Variants in CD163 observed in about 807,000 individuals in gnomAD.
CD163 encodes CD163 molecule.
CD163 carries 64 observed loss-of-function variants against 129.2 expected under a neutral mutation model. That is an observed-to-expected ratio of 0.50 (90% confidence interval 0.41 to 0.61). CD163 has a LOEUF of 0.61. CD163 is among the 20% of genes least tolerant of loss of function. The pLI is 0.00. For synonymous variants in CD163, 446 were observed against 478.5 expected, an observed-to-expected ratio of 0.93 and a Z score of 0.89; for missense variants, 1,061 against 1,377.9, an observed-to-expected ratio of 0.77 and a Z score of 3.64.
chr12:7,494,985 G>T, intron 6 of CD163, 96 bp downstream of exon 6: 1 of 897,152 alleles, frequency 1.1e-6, no homozygotes, highest in Non-Finnish European at 1.8e-6. Context: ...TTTCTTGAGA[G>T]TGATCTAGTC....
intron 3 of CD163, among the ~76,000 whole-genome samples, chr12:7,500,015 T>G (rs1202982167): frequency 6.6e-6 from 1 of 152,214 alleles, no homozygotes; most frequent in Non-Finnish European, 1.5e-5. Context: ...TTTTTCTAGA[T>G]GCTACTGTGT....
At position 7,486,576 on chromosome 12, in the gene CD163, C is replaced by T. The variant is rs762219071; in HGVS notation, c.2381G>A (p.Arg794His). 34 of 1,614,218 alleles carry T rather than the reference C, an allele frequency of 2.1e-5. No individual in the cohort carries two copies. Among genetic ancestry groups the T allele is most frequent in the Admixed American group, 1.2e-4 (7 of 60,024 alleles). ...DEMKCNGKES[R>H]IWQCHSHGWG... is the part of the protein sequence containing the mutation. ...GCCGTGTGAATGGCACTGCCAAATG[C>T]GGGATTCTTTTCCATTGCATTTCAT... The change falls in exon 10 of 17, where the codon CGC becomes CAC. Residue 794 changes from arginine to histidine, a missense_variant. Physicochemically the swap from Arg to His is conservative, Grantham distance 29. Coordinates refer to ENST00000432237, the MANE Select transcript of CD163 (RefSeq NM_203416.4).
At chr12:7,483,842 T>TATATATATATATATATATATATATATATA (rs71067190) in intron 11 of CD163, 167 bp from the exon 12 acceptor site, 1 of 61,890 alleles carries the variant, frequency 1.6e-5, no homozygotes, top group African/African-American at 6.2e-5. Flanking sequence ...TATATATATA[T>TATATATATATATATATATATATATATATA]TTTTTTTTTT....
chr12:7,492,872 G>A (rs1394586190), intron 6 of CD163, among the ~76,000 whole-genome samples: 2 of 152,170 alleles, frequency 1.3e-5, no homozygotes, highest in African/African-American at 4.8e-5. Flanking sequence ...TGATACTCCA[G>A]ATACAAAGGC....
At chr12:7,500,642 G>A (rs939782027) in intron 3 of CD163, among the ~76,000 whole-genome samples, 3 of 152,094 alleles carry the variant, frequency 2.0e-5, no homozygotes, top group Admixed American at 6.6e-5. Flanking sequence ...CACTGGTCAA[G>A]CAATTATACT....
rs757513084 is a variant in CD163, at chr12:7,502,010, T to C, written c.133+468A>G. On this transcript the variant is annotated intron_variant, in intron 2 of 16. Transcript: ENST00000432237. Reference sequence around the variant, plus strand: ...TATTTTCTACCATAAAATAAACCTCTTTGTACTCTCTTCCCATCCCCAGAT... The same window carrying C: ...TATTTTCTACCATAAAATAAACCTCCTTGTACTCTCTTCCCATCCCCAGAT... Among the ~76,000 whole-genome samples the C allele has an allele frequency of 3.0e-3, 452 of 152,298 alleles. 1 individual carries two copies. The highest frequency in any genetic ancestry group is 0.01 in the African/African-American group (426 of 41,570).
At chr12:7,484,651 A>AAG in intron 11 of CD163, among the ~76,000 whole-genome samples, 1 of 151,782 alleles carries the variant, frequency 6.6e-6, no homozygotes, top group Non-Finnish European at 1.5e-5. Flanking sequence ...AAAAAAAAAA[A>AAG]AAAAAAAACC....
At position 7,487,339 on chromosome 12, in the gene CD163, G is replaced by A; in HGVS notation, c.2050+20C>T. The A allele has an allele frequency of 6.5e-7, 1 of 1,545,214 alleles. No homozygotes were observed. Among genetic ancestry groups the A allele is most frequent in the Non-Finnish European group, 8.7e-7 (1 of 1,149,122 alleles). On this transcript the variant is annotated intron_variant, in intron 8 of 16. Transcript: ENST00000432237. This position sits in a 1 kb window ranked among gnomAD's most constrained non-coding sequence, Gnocchi z 5.1. ...CACCTTCTCTTAAGACCCATCACTG[G>A]CTGCCCGTCATCCTCTTACCTGAGC...
chr12:7,486,439 C>T (rs1191302426), intron 10 of CD163, 60 bp downstream of exon 10: 2 of 1,476,118 alleles, frequency 1.4e-6, no homozygotes, highest in Admixed American at 1.8e-5. Context: ...ATACCCCTCA[C>T]TACCCTTCCT....
intron 14 of CD163, among the ~76,000 whole-genome samples, chr12:7,481,869 C>T (rs1949167056): frequency 6.6e-6 from 1 of 152,070 alleles, no homozygotes; most frequent in African/African-American, 2.4e-5. Context: ...ATGCTTCATC[C>T]TTTAGGCTTC....
chr12:7,501,084 TA>T (rs1349833689), intron 3 of CD163, 54 bp downstream of exon 3: 22 of 1,500,926 alleles, frequency 1.5e-5, no homozygotes, highest in Non-Finnish European at 1.9e-5. Context: ...CCCATCTACA[TA>T]TTTTTTTCCC....
chr12:7,478,694 T>C (rs1382989731), intron 16 of CD163, among the ~76,000 whole-genome samples: 2 of 152,076 alleles, frequency 1.3e-5, no homozygotes, highest in Admixed American at 1.3e-4. Context: ...CTTTAAGAGT[T>C]CCAACTCTTA....
At chr12:7,478,620 T>C (rs1271298176) in intron 16 of CD163, among the ~76,000 whole-genome samples, 1 of 150,620 alleles carries the variant, frequency 6.6e-6, no homozygotes, top group Non-Finnish European at 1.5e-5. Flanking sequence ...TCTATGTGTG[T>C]ATATATATAG....
Position 7,483,444 on chromosome 12 carries a change from G to A in CD163, c.3011C>T (p.Ser1004Phe), listed in dbSNP as rs867419942. The A allele has an allele frequency of 3.1e-6, 5 of 1,614,068 alleles. No homozygotes were observed. The highest frequency in any genetic ancestry group is 4.2e-6 in the Non-Finnish European group (5 of 1,179,996). Residue 1004 changes from serine (S) to phenylalanine (F), a missense_variant, in exon 12 of 17, where the codon TCC (serine) becomes TTC (phenylalanine). Ser to Phe is a radical substitution (Grantham distance 155, BLOSUM62 -2). Transcript: ENST00000432237. ...GCGTCTGGCAGGACAATCCCACAAG[G>A]AAGACTCATTCCCTTTGCACTTCAC... is the stretch of plus-strand genomic sequence containing the variant. ...NEVKCKGNES[S>F]LWDCPARRWG...
intron 16 of CD163, among the ~76,000 whole-genome samples, chr12:7,478,635 T>G (rs1949120680): frequency 6.6e-6 from 1 of 152,102 alleles, no homozygotes; most frequent in Admixed American, 6.6e-5. Context: ...ATATAGTATG[T>G]AAAATTAGCT....
At chr12:7,495,052 C>A (rs1382973390) in intron 6 of CD163, 29 bp downstream of exon 6, 1 of 1,579,240 alleles carries the variant, frequency 6.3e-7, no homozygotes, top group South Asian at 1.1e-5. Flanking sequence ...TTACACCCTT[C>A]TTCTTAACAA....
Position 7,486,883 on chromosome 12 carries a change from C to T in CD163, c.2143+11G>A, listed in dbSNP as rs1245006052. On this transcript the variant is annotated intron_variant, in intron 9 of 16. Transcript: ENST00000432237. The stretch of plus-strand genomic sequence containing the variant: ...TATTAATATTTTCATAGATTTGTCA[C>T]AGAGTCTTACCTATGCAGGCCACAG... The T allele has an allele frequency of 1.2e-6, 2 of 1,610,212 alleles. No homozygotes were observed. The highest frequency in any genetic ancestry group is 2.2e-5 in the East Asian group (1 of 44,782).
chr12:7,475,518 G>T (rs941540251), intron 16 of CD163, among the ~76,000 whole-genome samples: 1 of 152,032 alleles, frequency 6.6e-6, no homozygotes, highest in East Asian at 1.9e-4. Flanking sequence ...TGCAGAAAAC[G>T]CCTTCGATAA....
chr12:7,484,184 A>G (rs1462198182), intron 11 of CD163, among the ~76,000 whole-genome samples: 2 of 152,066 alleles, frequency 1.3e-5, no homozygotes, highest in Non-Finnish European at 2.9e-5. Context: ...AGGACTTGTC[A>G]TTACAGCCAA....
Sources: allele counts gnomAD v4.1 joint callset (sites outside exome capture counted in the v4.1 genomes callset), GRCh38; gene constraint gnomAD v4.1.1; non-coding constraint Gnocchi (gnomAD v3.1); transcripts MANE v1.5; gene names NCBI Gene and HGNC (gene_info 2026-07-23, HGNC 2026-07-21).